Variants in SLC14A1 observed in about 807,000 individuals in gnomAD.
The protein encoded by SLC14A1 is solute carrier family 14 member 1 (Kidd blood group).
In SLC14A1, 36 loss-of-function variants were observed where a neutral mutation model predicts 39.6. The observed-to-expected ratio is 0.91, with a 90% CI of 0.70 to 1.20. The LOEUF is 1.20. SLC14A1 is among the 50% of genes most tolerant of loss of function. The pLI is 0.00. For synonymous variants in SLC14A1, 164 were observed against 173.6 expected (o/e 0.94, Z 0.43); for missense variants, 469 against 478.7 (o/e 0.98, Z 0.19).
At chr18:45,741,367 G>A (rs1193834990) in intron 8 of SLC14A1, among the ~76,000 whole-genome samples, 52 of 152,210 alleles carry the variant, frequency 3.4e-4, no homozygotes, top group Admixed American at 3.4e-3. Context: ...GTGTAATGTG[G>A]AGAAATTATG....
chr18:45,724,632 G>A (rs2046813932), intron 1 of SLC14A1, among the ~76,000 whole-genome samples: 1 of 152,170 alleles, frequency 6.6e-6, no homozygotes, highest in South Asian at 2.1e-4. Flanking sequence ...TAATAATTTG[G>A]GCTGTGTTCT....
At chr18:45,727,959 G>A (rs1358667139) in intron 2 of SLC14A1, among the ~76,000 whole-genome samples, 1 of 152,158 alleles carries the variant, frequency 6.6e-6, no homozygotes, top group African/African-American at 2.4e-5. Flanking sequence ...GCTCTAGAAG[G>A]GTTCAGCTGT....
chr18:45,727,005 TA>T, intron 2 of SLC14A1: 2 of 399,254 alleles, frequency 5.0e-6, no homozygotes, highest in East Asian at 5.1e-5. Context: ...GGCTTCCCGT[TA>T]TTTTTTTTTT....
At chr18:45,729,844 T>C (rs8088163) in intron 2 of SLC14A1, 63,457 of 152,530 alleles carry the variant, frequency 0.42, 14,222 homozygotes, top group East Asian at 0.52. Flanking sequence ...TCTTGGCAAG[T>C]AGCTGATCAG....
At chr18:45,736,719 C>A in intron 6 of SLC14A1, 71 bp downstream of exon 6, 1 of 1,347,544 alleles carries the variant, frequency 7.4e-7, no homozygotes, top group Non-Finnish European at 1.1e-6. Context: ...GTCAACTGTC[C>A]ACGGGTGTCA....
chr18:45,747,724 G>A (rs941341530), intron 8 of SLC14A1, among the ~76,000 whole-genome samples: 5 of 151,992 alleles, frequency 3.3e-5, no homozygotes, highest in Admixed American at 2.0e-4. Context: ...AAAAAAAGAC[G>A]TTTATTCATT....
chr18:45,742,442 CT>C (rs2047409067), intron 8 of SLC14A1, among the ~76,000 whole-genome samples: 1 of 144,958 alleles, frequency 6.9e-6, no homozygotes, highest in African/African-American at 2.6e-5. Context: ...TCACTGCAAC[CT>C]CCGACTCCCT....
At position 45,751,829 on chromosome 18, in the gene SLC14A1, T is replaced by C. The variant is rs2047719346; in HGVS notation, c.*1878T>C. 1 of 973,930 alleles carries C rather than the reference T, an allele frequency of 1.0e-6. No homozygotes were observed. Among genetic ancestry groups the C allele is most frequent in the Non-Finnish European group, 1.2e-6 (1 of 819,670 alleles). The allele number at this position is 973,930 out of a possible 1,614,324, so 60.3% of individuals were successfully genotyped here. On this transcript the variant is annotated 3_prime_UTR_variant, in exon 10 of 10. Coordinates refer to ENST00000321925, the MANE Select transcript of SLC14A1 (RefSeq NM_015865.7). ...ATTAATTAATTTAAAAAGGAAGTCA[T>C]GTTCATTTACTTTCCACTTCAGTGT... is the stretch of plus-strand genomic sequence containing the variant.
chr18:45,747,746 T>C (rs1274811743), intron 8 of SLC14A1, among the ~76,000 whole-genome samples: 1 of 152,054 alleles, frequency 6.6e-6, no homozygotes, highest in Non-Finnish European at 1.5e-5. Context: ...ATTTTAATGG[T>C]ATTGGAGAAG....
intron 8 of SLC14A1, chr18:45,739,937 T>C (rs1276986089): frequency 2.2e-5 from 11 of 493,006 alleles, no homozygotes; most frequent in Non-Finnish European, 3.7e-5. Flanking sequence ...AAAAGAAAAA[T>C]CCCAGTTATT....
At chr18:45,738,885 G>A (rs963989075) in intron 6 of SLC14A1, among the ~76,000 whole-genome samples, 22 of 152,122 alleles carry the variant, frequency 1.4e-4, no homozygotes, top group Non-Finnish European at 1.6e-4. Flanking sequence ...AGTGACCAAG[G>A]CCAAGTGTCA....
intron 4 of SLC14A1, among the ~76,000 whole-genome samples, chr18:45,733,438 A>G (rs915573512): frequency 2.0e-5 from 3 of 152,244 alleles, no homozygotes; most frequent in Admixed American, 6.5e-5. Context: ...TCAGGACACA[A>G]AAATGTATAC....
At chr18:45,743,816 T>A (rs1399686170) in intron 8 of SLC14A1, among the ~76,000 whole-genome samples, 1 of 152,204 alleles carries the variant, frequency 6.6e-6, no homozygotes, top group Admixed American at 6.5e-5. Flanking sequence ...TCCCCAAATA[T>A]GACTGATACC....
intron 8 of SLC14A1, among the ~76,000 whole-genome samples, chr18:45,746,368 T>C (rs2047545495): frequency 6.6e-6 from 1 of 152,226 alleles, no homozygotes; most frequent in Non-Finnish European, 1.5e-5. Context: ...TTGGCGAGTC[T>C]TAATTGACAT....
At chr18:45,743,557 C>T (rs1160139845) in intron 8 of SLC14A1, among the ~76,000 whole-genome samples, 1 of 152,182 alleles carries the variant, frequency 6.6e-6, no homozygotes, top group African/African-American at 2.4e-5. Flanking sequence ...ATTACTTAAC[C>T]TTTCTATGCC....
At position 45,750,678 on chromosome 18, in the gene SLC14A1, T is replaced by C. The variant is rs2047679689; in HGVS notation, c.*727T>C. ...TTTTTTAGGTAGAGATTATTTTTCCTTATGAAAAATGATCTGTTTTAAATG... is the reference window on the plus strand; with the variant it reads ...TTTTTTAGGTAGAGATTATTTTTCCCTATGAAAAATGATCTGTTTTAAATG... On this transcript the variant is annotated 3_prime_UTR_variant, in exon 10 of 10. Transcript: ENST00000321925. 2.0e-6 allele frequency: 2 copies of C among 985,480 alleles called. No homozygotes were observed. The highest frequency in any genetic ancestry group is 3.5e-5 in the African/African-American group (2 of 57,248). The allele number at this position is 985,480 out of a possible 1,614,324, so 61.0% of individuals were successfully genotyped here. A position where few individuals can be genotyped will look rare whatever the true frequency, so the allele number is the denominator to read the frequency against.
intron 5 of SLC14A1, among the ~76,000 whole-genome samples, chr18:45,735,794 C>G (rs975926501): frequency 1.3e-5 from 2 of 152,216 alleles, no homozygotes; most frequent in African/African-American, 4.8e-5. Flanking sequence ...AATGGGAGTT[C>G]TGGTCTTTAA....
intron 2 of SLC14A1, among the ~76,000 whole-genome samples, chr18:45,728,510 G>A (rs993173635): frequency 6.6e-6 from 1 of 152,050 alleles, no homozygotes; most frequent in African/African-American, 2.4e-5. Context: ...CCCATAAGTT[G>A]GTATGGCTTT....
intron 8 of SLC14A1, among the ~76,000 whole-genome samples, chr18:45,740,591 G>A (rs753237088): frequency 2.6e-5 from 4 of 151,292 alleles, no homozygotes; most frequent in African/African-American, 7.3e-5. Context: ...GCTGGAGTGC[G>A]GTGGTGTGAA....
Sources: allele counts gnomAD v4.1 joint callset (sites outside exome capture counted in the v4.1 genomes callset), GRCh38; gene constraint gnomAD v4.1.1; transcripts MANE v1.5; gene names NCBI Gene and HGNC (gene_info 2026-07-23, HGNC 2026-07-21).